PITPNB: variants seen among roughly 807,000 people sequenced by gnomAD.
PITPNB encodes the protein phosphatidylinositol transfer protein beta, also known as phosphatidylinositol transfer protein beta isoform.
In PITPNB, 16 loss-of-function variants were observed where a neutral mutation model predicts 45.9. The ratio of observed to expected loss-of-function variants is 0.35; its 90% confidence interval spans 0.24 to 0.53. The LOEUF (loss-of-function observed/expected upper bound fraction) is 0.53. Ranked by LOEUF, PITPNB falls within the 20% of genes least tolerant of loss-of-function variation. The pLI, the probability that PITPNB is intolerant of heterozygous loss-of-function variation, is 0.93. For missense variants in PITPNB, 188 were observed against 330.5 expected (o/e 0.57, Z 3.34); for synonymous variants, 112 against 108.9 (o/e 1.03, Z -0.18).
chr22:27,913,648 C>T (rs892044646), intron 2 of PITPNB, among the ~76,000 whole-genome samples: 2 of 152,178 alleles, frequency 1.3e-5, no homozygotes, highest in African/African-American at 4.8e-5. Flanking sequence ...GTCTGGAATA[C>T]TGTTTTCAGT....
At chr22:27,859,552 C>T (rs945606081) in intron 9 of PITPNB, among the ~76,000 whole-genome samples, 2 of 152,176 alleles carry the variant, frequency 1.3e-5, no homozygotes, top group Admixed American at 6.5e-5. Context: ...CTCCCCTCCT[C>T]CTAGATCTAA....
rs1304663468 is a variant in PITPNB at position 27,854,911 on chromosome 22, G to A, written c.797C>T (p.Thr266Met). The change falls in exon 11 of 12, where the codon ACG becomes ATG. Residue 266 changes from threonine to methionine, a missense_variant. Transcript: ENST00000335272. ...ACTCATCTAGACATCAGCAGCCGAC[G>A]TGCCTCGAACGGAACCCCTCTTACG... ...TMRKRGSVRG[T>M]SAADV 7.4e-6 allele frequency: 12 copies of A among 1,613,594 alleles called. No homozygotes were observed. Among genetic ancestry groups the A allele is most frequent in the Middle Eastern group, 1.6e-4 (1 of 6,082 alleles).
intron 7 of PITPNB, among the ~76,000 whole-genome samples, chr22:27,893,929 C>T (rs1935363341): frequency 6.6e-6 from 1 of 152,086 alleles, no homozygotes; most frequent in South Asian, 2.1e-4. Flanking sequence ...TAATCTTTAT[C>T]TTGAGTCTTA....
chr22:27,916,329 T>C (rs1936073906), intron 1 of PITPNB, among the ~76,000 whole-genome samples: 1 of 152,220 alleles, frequency 6.6e-6, no homozygotes, highest in African/African-American at 2.4e-5. Context: ...GTATTCAACT[T>C]TCAGTGCCAG....
chr22:27,872,081 GTTTTTTT>G (rs58288724), intron 8 of PITPNB, among the ~76,000 whole-genome samples: 31 of 64,364 alleles, frequency 4.8e-4, no homozygotes, highest in Non-Finnish European at 8.1e-4. Context: ...ATTAAGCCTG[GTTTTTTT>G]TTTTTTTTTT....
chr22:27,894,446 T>A (rs753652696), intron 7 of PITPNB, 109 bp downstream of exon 7: 2 of 660,776 alleles, frequency 3.0e-6, no homozygotes, highest in Non-Finnish European at 5.4e-6. Flanking sequence ...ATGTAGGCCA[T>A]ACAAGAAAGA....
intron 7 of PITPNB, among the ~76,000 whole-genome samples, chr22:27,880,322 AAG>A (rs1934933181): frequency 6.6e-6 from 1 of 152,240 alleles, no homozygotes; most frequent in Non-Finnish European, 1.5e-5. Context: ...TTCCTTAAAA[AAG>A]AGTTTACATG....
At chr22:27,905,218 G>T (rs1225238587) in intron 3 of PITPNB, among the ~76,000 whole-genome samples, 2 of 152,122 alleles carry the variant, frequency 1.3e-5, no homozygotes, top group Admixed American at 1.3e-4. Flanking sequence ...CATTATCTTG[G>T]CTCACTGCAA....
intron 10 of PITPNB, among the ~76,000 whole-genome samples, chr22:27,857,466 T>C (rs1461597837): frequency 2.6e-5 from 4 of 152,194 alleles, no homozygotes; most frequent in Non-Finnish European, 5.9e-5. Context: ...GAAAAATAGG[T>C]TTCCTTTTGT....
intron 7 of PITPNB, among the ~76,000 whole-genome samples, chr22:27,888,741 C>T (rs1273906811): frequency 6.6e-6 from 1 of 152,212 alleles, no homozygotes; most frequent in Non-Finnish European, 1.5e-5. Context: ...TCCGACCTAC[C>T]TAGATCCTGA....
intron 7 of PITPNB, among the ~76,000 whole-genome samples, chr22:27,877,038 T>C (rs1451348513): frequency 6.6e-6 from 1 of 152,224 alleles, no homozygotes; most frequent in African/African-American, 2.4e-5. Flanking sequence ...AGGCTGAATT[T>C]GCTATGCACT....
chr22:27,908,552 A>G (rs1486185096), intron 3 of PITPNB, among the ~76,000 whole-genome samples: 1 of 152,084 alleles, frequency 6.6e-6, no homozygotes, highest in Non-Finnish European at 1.5e-5. Context: ...AATTTTATAC[A>G]TCAAACTTTT....
intron 3 of PITPNB, among the ~76,000 whole-genome samples, chr22:27,902,823 A>T (rs1042682666): frequency 6.6e-6 from 1 of 152,158 alleles, no homozygotes; most frequent in African/African-American, 2.4e-5. Flanking sequence ...GGCTCAAGCG[A>T]TTCTCCCACC....
intron 7 of PITPNB, among the ~76,000 whole-genome samples, chr22:27,882,477 C>T (rs1176143840): frequency 1.3e-5 from 2 of 152,194 alleles, no homozygotes; most frequent in African/African-American, 4.8e-5. Flanking sequence ...GACATACTCA[C>T]CAAATAAAGA....
At chr22:27,900,663 T>G (rs1304879387) in intron 3 of PITPNB, among the ~76,000 whole-genome samples, 2 of 152,182 alleles carry the variant, frequency 1.3e-5, no homozygotes, top group Non-Finnish European at 2.9e-5. Context: ...ATGGAGTAAA[T>G]AAAATTAAAT....
intron 8 of PITPNB, among the ~76,000 whole-genome samples, chr22:27,863,502 C>A (rs1934397553): frequency 6.6e-6 from 1 of 152,184 alleles, no homozygotes; most frequent in Non-Finnish European, 1.5e-5. Context: ...AGTGAATTTC[C>A]TCTATGACTG....
intron 3 of PITPNB, among the ~76,000 whole-genome samples, chr22:27,901,580 G>C (rs1935595283): frequency 6.6e-6 from 1 of 152,108 alleles, no homozygotes; most frequent in Non-Finnish European, 1.5e-5. Context: ...CAGCTGAGAA[G>C]GCAAGAAAAG....
At chr22:27,886,020 G>A (rs558298121) in intron 7 of PITPNB, among the ~76,000 whole-genome samples, 2 of 152,318 alleles carry the variant, frequency 1.3e-5, no homozygotes, top group South Asian at 4.1e-4. Context: ...AAAACAAGGG[G>A]CTCTGAGGAT....
intron 8 of PITPNB, among the ~76,000 whole-genome samples, chr22:27,871,643 A>G (rs1354954299): frequency 1.3e-5 from 2 of 152,216 alleles, no homozygotes; most frequent in African/African-American, 4.8e-5. Flanking sequence ...GGCTGGGGAC[A>G]CTAAATCCAT....
Sources: gnomAD v4.1 joint callset for allele counts (sites outside exome capture counted in the v4.1 genomes callset) on GRCh38, gnomAD v4.1.1 for gene constraint, MANE v1.5 for transcripts, NCBI Gene and HGNC (gene_info 2026-07-23, HGNC 2026-07-21) for gene names.